The following KIAA1217 variants were observed in gnomAD, a reference collection of about 807,000 sequenced individuals.
KIAA1217 encodes the protein KIAA1217, also known as sickle tail protein homolog.
KIAA1217 carries 88 observed loss-of-function variants against 163.9 expected under a neutral mutation model. That is an observed-to-expected ratio of 0.54 (90% confidence interval 0.45 to 0.64). The LOEUF (loss-of-function observed/expected upper bound fraction) is 0.64, where lower values mean the gene tolerates loss of function less well. Among genes scored for constraint, KIAA1217 ranks in the 30% least tolerant of loss-of-function variants. The pLI, the probability that KIAA1217 is intolerant of heterozygous loss-of-function variation, is 0.00. For synonymous variants in KIAA1217, 903 were observed against 923.1 expected (o/e 0.98, Z 0.39); for missense variants, 2,372 against 2,475.0 (o/e 0.96, Z 0.88).
chr10:24,504,841 A>G (rs145675730), intron 9 of KIAA1217, among the ~76,000 whole-genome samples: 3 of 152,150 alleles, frequency 2.0e-5, no homozygotes, highest in African/African-American at 4.8e-5. Flanking sequence ...TGCAGACACA[A>G]TGGGGTGGGT....
intron 2 of KIAA1217, among the ~76,000 whole-genome samples, chr10:24,188,841 C>T (rs777182700): frequency 6.6e-6 from 1 of 152,196 alleles, no homozygotes; most frequent in South Asian, 2.1e-4. Flanking sequence ...TGCAGTGGCT[C>T]ACGCCTGTAA....
At chr10:23,770,468 A>T (rs568564056) in intron 1 of KIAA1217, among the ~76,000 whole-genome samples, 13 of 152,322 alleles carry the variant, frequency 8.5e-5, no homozygotes, top group African/African-American at 2.9e-4. Context: ...GTAAAGTTCA[A>T]TGAGTTCATT....
chr10:24,538,803 C>T (rs1178866256), intron 17 of KIAA1217, among the ~76,000 whole-genome samples: 1 of 132,214 alleles, frequency 7.6e-6, no homozygotes, highest in African/African-American at 2.8e-5. Flanking sequence ...GACGTGGTCT[C>T]GGCTCACTGC....
intron 2 of KIAA1217, among the ~76,000 whole-genome samples, chr10:24,251,006 C>T (rs1415890818): frequency 6.6e-6 from 1 of 151,788 alleles, no homozygotes; most frequent in African/African-American, 2.4e-5. Context: ...GTGGGTGGAT[C>T]ACCTGAGGTC....
chr10:24,010,239 A>G (rs1442118570), intron 2 of KIAA1217, among the ~76,000 whole-genome samples: 1 of 152,156 alleles, frequency 6.6e-6, no homozygotes, highest in Non-Finnish European at 1.5e-5. Context: ...TACAGTCAAT[A>G]AAGTCTCAAT....
intron 16 of KIAA1217, among the ~76,000 whole-genome samples, chr10:24,534,156 T>C (rs1313116832): frequency 6.6e-6 from 1 of 152,222 alleles, no homozygotes; most frequent in Non-Finnish European, 1.5e-5. Context: ...ATTTTCAATC[T>C]ACATTGTTTT....
At chr10:24,090,249 C>G (rs1281030370) in intron 2 of KIAA1217, among the ~76,000 whole-genome samples, 1 of 142,990 alleles carries the variant, frequency 7.0e-6, no homozygotes, top group Admixed American at 7.0e-5. Context: ...TCACTGCAGC[C>G]TTGAACTCCT....
chr10:24,495,641 G>A (rs1380175730), intron 8 of KIAA1217, among the ~76,000 whole-genome samples: 1 of 152,210 alleles, frequency 6.6e-6, no homozygotes, highest in East Asian at 1.9e-4. Flanking sequence ...GGACTTAGGG[G>A]GAAGAAGGGT....
At chr10:24,294,221 T>G (rs2079451138) in intron 2 of KIAA1217, among the ~76,000 whole-genome samples, 2 of 140,424 alleles carry the variant, frequency 1.4e-5, no homozygotes, top group Non-Finnish European at 1.5e-5. Context: ...AAAGAAATAG[T>G]TCCTTTCCAC....
chr10:24,542,895 GC>G lies in KIAA1217; in HGVS notation c.3626del (p.Ala1209ValfsTer2). On this transcript the variant is annotated frameshift_variant, in exon 19 of 21. Transcript: ENST00000376454. LOFTEE classifies it high-confidence loss of function. The stretch of plus-strand genomic sequence containing the variant: ...TTCTCCCTCTCAGGTTACCACAGGG[GC>G]TGTAAGACCTAGTGACCCTCCTAAG... ...QMEFQKVTTG[A>X]VRPSDPPKWE... The G allele has an allele frequency of 6.2e-7, 1 of 1,610,930 alleles. No homozygotes were observed. The highest frequency in any genetic ancestry group is 1.1e-5 in the South Asian group (1 of 90,556).
chr10:24,262,619 C>A (rs143790497), intron 2 of KIAA1217, among the ~76,000 whole-genome samples: 2 of 145,802 alleles, frequency 1.4e-5, no homozygotes, highest in South Asian at 2.2e-4. Context: ...AGCGAGACTC[C>A]GTCTCAAAGA....
intron 2 of KIAA1217, 125 bp from the exon 3 acceptor site, chr10:24,380,744 C>A: frequency 1.6e-6 from 1 of 619,690 alleles, no homozygotes; most frequent in Non-Finnish European, 2.5e-6. Context: ...CCTATCTAAC[C>A]CTTGTGATGG....
Position 24,337,644 on chromosome 10 carries a change from T to C in KIAA1217, c.355-43225T>C, listed in dbSNP as rs537703011. ...TCTTTTCTTTTCTTTTCTTTTCTTT[T>C]CTTTTCTTTTTTTTTTTTGAGACGA... is the stretch of plus-strand genomic sequence containing the variant. On this transcript the variant is annotated intron_variant, in intron 2 of 20. Transcript: ENST00000376454. Among the ~76,000 whole-genome samples the C allele has an allele frequency of 6.7e-3, 416 of 62,150 alleles. 6 individuals are homozygous for C. The highest frequency in any genetic ancestry group is 9.1e-3 in the Non-Finnish European group (329 of 36,142). 40.8% of individuals were successfully genotyped at this position (62,150 alleles called of 152,430 possible).
chr10:24,215,130 C>T (rs577152710), intron 1 of KIAA1217, among the ~76,000 whole-genome samples: 1 of 152,290 alleles, frequency 6.6e-6, no homozygotes, highest in East Asian at 1.9e-4. Context: ...CTGGGAGCTC[C>T]TTGGATTCCT....
chr10:24,091,902 G>A (rs2061951623), intron 2 of KIAA1217, among the ~76,000 whole-genome samples: 1 of 151,690 alleles, frequency 6.6e-6, no homozygotes, highest in South Asian at 2.1e-4. Flanking sequence ...TGAAAGGGCT[G>A]AACTTGTCTT....
intron 2 of KIAA1217, among the ~76,000 whole-genome samples, chr10:24,325,123 T>C (rs2044699484): frequency 6.6e-6 from 1 of 152,228 alleles, no homozygotes; most frequent in South Asian, 2.1e-4. Flanking sequence ...AAACAAGCAC[T>C]ATATATACAC....
intron 2 of KIAA1217, among the ~76,000 whole-genome samples, chr10:24,178,450 G>A (rs2066010765): frequency 6.6e-6 from 1 of 152,316 alleles, no homozygotes; most frequent in East Asian, 1.9e-4. Flanking sequence ...GGTCTTCTGA[G>A]GTGCTATGAT....
chr10:23,980,482 A>G (rs1845716940), intron 1 of KIAA1217, among the ~76,000 whole-genome samples: 2 of 152,130 alleles, frequency 1.3e-5, no homozygotes, highest in Non-Finnish European at 2.9e-5. Flanking sequence ...GCCTGACTCT[A>G]TCTGACAATC....
chr10:24,361,094 G>C (rs760737700), intron 2 of KIAA1217, among the ~76,000 whole-genome samples: 7 of 151,894 alleles, frequency 4.6e-5, no homozygotes, highest in Non-Finnish European at 8.8e-5. Context: ...TTAATATTTT[G>C]GTGTATATCC....
Sources: gnomAD v4.1 joint callset for allele counts (sites outside exome capture counted in the v4.1 genomes callset) on GRCh38, gnomAD v4.1.1 for gene constraint, MANE v1.5 for transcripts, NCBI Gene and HGNC (gene_info 2026-07-23, HGNC 2026-07-21) for gene names.